KLRF1: variants seen among roughly 807,000 people sequenced by gnomAD.
KLRF1 encodes killer cell lectin-like receptor subfamily F member 1.
In KLRF1, 27 loss-of-function variants were observed where a neutral mutation model predicts 30.7. The ratio of observed to expected loss-of-function variants is 0.88; its 90% confidence interval spans 0.65 to 1.21. The LOEUF (loss-of-function observed/expected upper bound fraction) is 1.21, where lower values mean the gene tolerates loss of function less well. KLRF1 is among the 50% of genes most tolerant of loss of function. The pLI, the probability that KLRF1 is intolerant of heterozygous loss-of-function variation, is 0.00. For synonymous variants in KLRF1, 92 were observed against 89.3 expected (o/e 1.03, Z -0.17); for missense variants, 246 against 259.3 (o/e 0.95, Z 0.35).
intron 3 of KLRF1, among the ~76,000 whole-genome samples, chr12:9,838,913 C>T (rs1867644515): frequency 6.6e-6 from 1 of 152,106 alleles, no homozygotes; most frequent in South Asian, 2.1e-4. Context: ...TTTGCCTTCA[C>T]ATTTACTTGG....
intron 1 of KLRF1, among the ~76,000 whole-genome samples, chr12:9,830,464 C>G (rs1215024737): frequency 6.6e-6 from 1 of 151,976 alleles, no homozygotes; most frequent in Admixed American, 6.6e-5. Flanking sequence ...GAGATTTGAG[C>G]TATCTTTCTT....
chr12:9,818,721 C>T, the KLRF1 span, among the ~76,000 whole-genome samples: 1 of 152,012 alleles, frequency 6.6e-6, no homozygotes, highest in Non-Finnish European at 1.5e-5. Flanking sequence ...CTAAATTTTG[C>T]TTTTATTTAT....
At position 9,844,509 on chromosome 12, in the gene KLRF1, T is replaced by G. The variant is rs1384895822; in HGVS notation, c.679T>G (p.Trp227Gly). Residue 227 changes from tryptophan to glycine, a missense_variant, in exon 6 of 6, where the codon TGG becomes GGG. Coordinates refer to ENST00000617889, the MANE Select transcript of KLRF1 (RefSeq NM_016523.3). The part of the protein sequence containing the change: ...FSETCSSVFK[W>G]ICQY ...TGAAACCTGCAGCAGTGTTTTCAAA[T>G]GGATTTGTCAGTATTAGAGTTTGAC... 1 of 1,597,410 alleles carries G rather than the reference T, an allele frequency of 6.3e-7. No homozygotes were observed. The highest frequency in any genetic ancestry group is 1.3e-5 in the African/African-American group (1 of 74,514).
At chr12:9,806,116 G>A in the KLRF1 span, among the ~76,000 whole-genome samples, 1 of 151,640 alleles carries the variant, frequency 6.6e-6, no homozygotes, top group Non-Finnish European at 1.5e-5. Context: ...CCTTAAGGTG[G>A]TAGCTTAGGT....
At chr12:9,813,351 G>A in the KLRF1 span, among the ~76,000 whole-genome samples, 2 of 151,904 alleles carry the variant, frequency 1.3e-5, no homozygotes, top group African/African-American at 4.8e-5. Context: ...TCTGTAGCCA[G>A]GCTGGAGTGC....
the KLRF1 span, among the ~76,000 whole-genome samples, chr12:9,814,795 G>T: frequency 7.2e-6 from 1 of 139,396 alleles, no homozygotes; most frequent in Non-Finnish European, 1.6e-5. Flanking sequence ...ACCATAAAAG[G>T]TTATTGTAAT....
chr12:9,805,637 A>G, the KLRF1 span, among the ~76,000 whole-genome samples: 1 of 152,050 alleles, frequency 6.6e-6, no homozygotes, highest in Non-Finnish European at 1.5e-5. Flanking sequence ...TTCACCAGAT[A>G]AGTAATCTGG....
chr12:9,814,157 C>A, the KLRF1 span, among the ~76,000 whole-genome samples: 2 of 152,088 alleles, frequency 1.3e-5, no homozygotes, highest in African/African-American at 4.8e-5. Flanking sequence ...TTCTACACCC[C>A]GGGGGAATCG....
At chr12:9,826,180 G>T (rs78272198), upstream of KLRF1, among the ~76,000 whole-genome samples, 1,718 of 152,182 alleles carry the variant, frequency 0.011, 32 homozygotes, top group African/African-American at 0.039. Context: ...GTAAACTTGT[G>T]TAATGGGGGT....
Position 9,838,679 on chromosome 12 carries a change from T to C in KLRF1, c.335-3133T>C, listed in dbSNP as rs76703042. Among the ~76,000 whole-genome samples, 1,475 of 152,278 alleles carry C rather than the reference T, an allele frequency of 9.7e-3. 24 individuals carry two copies. Among genetic ancestry groups the C allele is most frequent in the African/African-American group, 0.034 (1,400 of 41,580 alleles). ...CAAAGGAATTCTATTTTTTACCATG[T>C]TGCCTTTTAACTTCCTGGTGTGGCC... On this transcript the variant is annotated intron_variant, in intron 3 of 5. Coordinates refer to ENST00000617889, the MANE Select transcript of KLRF1 (RefSeq NM_016523.3).
intron 3 of KLRF1, among the ~76,000 whole-genome samples, chr12:9,841,123 A>T (rs1419308827): frequency 6.6e-6 from 1 of 152,166 alleles, no homozygotes; most frequent in Non-Finnish European, 1.5e-5. Flanking sequence ...ATGGAATACT[A>T]TGAAGCCATA....
chr12:9,801,503 G>A, the KLRF1 span, among the ~76,000 whole-genome samples: 1 of 151,892 alleles, frequency 6.6e-6, no homozygotes, highest in African/African-American at 2.4e-5. Context: ...AGCCTCACCA[G>A]CATCTATAGT....
intron 3 of KLRF1, 82 bp from the exon 4 acceptor site, chr12:9,841,730 C>A: frequency 9.9e-7 from 1 of 1,008,680 alleles, no homozygotes; most frequent in Non-Finnish European, 1.4e-6. Context: ...ATTTATACAA[C>A]ATGTAAGTAT....
intron 3 of KLRF1, among the ~76,000 whole-genome samples, chr12:9,836,251 C>T (rs1867573933): frequency 6.6e-6 from 1 of 152,006 alleles, no homozygotes; most frequent in Non-Finnish European, 1.5e-5. Flanking sequence ...GAAGTTACCC[C>T]CACTACTTGG....
At chr12:9,833,133 T>C (rs1327737460) in intron 2 of KLRF1, among the ~76,000 whole-genome samples, 170 bp from the exon 3 acceptor site, 1 of 152,210 alleles carries the variant, frequency 6.6e-6, no homozygotes, top group Non-Finnish European at 1.5e-5. Flanking sequence ...GAATTGATTG[T>C]ATAATATTTT....
At chr12:9,801,366 A>T in the KLRF1 span, among the ~76,000 whole-genome samples, 1 of 152,016 alleles carries the variant, frequency 6.6e-6, no homozygotes, top group Admixed American at 6.6e-5. Flanking sequence ...TATACCCAGT[A>T]ATGGGATTGC....
intron 3 of KLRF1, among the ~76,000 whole-genome samples, chr12:9,836,845 A>G (rs1158391637): frequency 6.6e-6 from 1 of 152,116 alleles, no homozygotes. Flanking sequence ...GACACCTTAG[A>G]AAAATTAAGG....
At chr12:9,808,793 G>A in the KLRF1 span, among the ~76,000 whole-genome samples, 1 of 152,056 alleles carries the variant, frequency 6.6e-6, no homozygotes, top group East Asian at 1.9e-4. Flanking sequence ...CGTATTCTTG[G>A]TGTTAAAAGA....
chr12:9,817,716 CT>C, the KLRF1 span: 1 of 218,408 alleles, frequency 4.6e-6, no homozygotes, highest in Non-Finnish European at 1.0e-5. Context: ...CTTTGCCTGT[CT>C]TTTCCTCAGT....
Sources: allele counts gnomAD v4.1 joint callset (sites outside exome capture counted in the v4.1 genomes callset), GRCh38; gene constraint gnomAD v4.1.1; transcripts MANE v1.5; gene names NCBI Gene and HGNC (gene_info 2026-07-23, HGNC 2026-07-21).